Variants in TRIM36 observed in about 807,000 individuals in gnomAD.
TRIM36 encodes E3 ubiquitin-protein ligase TRIM36.
In TRIM36, 42 loss-of-function variants were observed where a neutral mutation model predicts 72.4. That is an observed-to-expected ratio of 0.58 (90% CI 0.45 to 0.75). TRIM36 has a LOEUF of 0.75. Among genes scored for constraint, TRIM36 ranks in the 30% least tolerant of loss-of-function variants. The pLI, the probability that TRIM36 is intolerant of heterozygous loss-of-function variation, is 0.00. For synonymous variants in TRIM36, 315 were observed against 282.8 expected (o/e 1.11, Z -1.14); for missense variants, 913 against 857.1 (o/e 1.07, Z -0.81).
intron 2 of TRIM36, among the ~76,000 whole-genome samples, chr5:115,150,010 C>T (rs1416792438): frequency 2.0e-5 from 3 of 152,134 alleles, no homozygotes; most frequent in Non-Finnish European, 4.4e-5. Flanking sequence ...CCACCTGCCT[C>T]GGCCTCCCAA....
In TRIM36 at chr5:115,126,782, A is replaced by T. The variant is rs1752381397; in HGVS notation, c.1872T>A (p.Val624=). The change falls in exon 10 of 10, where the codon GTT becomes GTA. Residue 624 remains valine, a synonymous_variant. Coordinates refer to ENST00000513154, the MANE Select transcript of TRIM36 (RefSeq NM_001300759.2). ...TAAAAAATTTCTGCATGCCTATAGT[A>T]ACTAAGGTAAATGGTTGTGAAGAAT... ...CFDSSQPFTL[V]TIGMQKFFIP... 6.2e-7 allele frequency: 1 copy of T among 1,614,052 alleles called. No individual in the cohort carries two copies. The highest frequency in any genetic ancestry group is 8.5e-7 in the Non-Finnish European group (1 of 1,180,030).
At chr5:115,151,053 T>G (rs1189137827) in intron 2 of TRIM36, among the ~76,000 whole-genome samples, 1 of 152,106 alleles carries the variant, frequency 6.6e-6, no homozygotes, top group Admixed American at 6.5e-5. Flanking sequence ...GGGGAGGGTG[T>G]AAATCCAGTG....
At chr5:115,154,755 T>A (rs1196165117) in intron 2 of TRIM36, among the ~76,000 whole-genome samples, 2 of 152,130 alleles carry the variant, frequency 1.3e-5, no homozygotes, top group East Asian at 3.9e-4. Flanking sequence ...CGACCAGACA[T>A]TCAAAGAACA....
chr5:115,170,712 C>G (rs114608085), upstream of TRIM36, among the ~76,000 whole-genome samples: 2 of 152,240 alleles, frequency 1.3e-5, no homozygotes, highest in African/African-American at 2.4e-5. Context: ...GGTGGAGATT[C>G]CTCTCCCGGA....
chr5:115,157,075 C>T (rs1032360988), intron 2 of TRIM36, among the ~76,000 whole-genome samples: 2 of 151,738 alleles, frequency 1.3e-5, no homozygotes, highest in Admixed American at 6.6e-5. Context: ...CTCAGTATTA[C>T]TATATGATCA....
Position 115,134,083 on chromosome 5 carries a change from C to A in TRIM36, c.1275G>T (p.Trp425Cys), listed in dbSNP as rs1375065116. 1 of 1,612,994 alleles carries A rather than the reference C, an allele frequency of 6.2e-7. No individual in the cohort carries two copies. The highest frequency in any genetic ancestry group is 1.3e-5 in the African/African-American group (1 of 74,856). Residue 425 changes from tryptophan (W) to cysteine (C), a missense_variant, in exon 8 of 10, where the codon TGG becomes TGT. Coordinates refer to ENST00000513154, the MANE Select transcript of TRIM36 (RefSeq NM_001300759.2). The stretch of plus-strand genomic sequence containing the variant: ...CAGCTTTATCCTTTTCTGGATGGTG[C>A]CAATTTATCAAGGCATTGTTATAAA... ...SKVYNNALIN[W>C]HHPEKDKADS...
intron 8 of TRIM36, among the ~76,000 whole-genome samples, chr5:115,131,605 T>C (rs1416504159): frequency 1.3e-5 from 2 of 152,194 alleles, no homozygotes; most frequent in East Asian, 1.9e-4. Context: ...ATGTGGTATA[T>C]ACATACAATG....
At chr5:115,142,413 T>C (rs1219250037) in intron 4 of TRIM36, among the ~76,000 whole-genome samples, 3 of 152,170 alleles carry the variant, frequency 2.0e-5, no homozygotes, top group Non-Finnish European at 4.4e-5. Flanking sequence ...CATTTGGCCA[T>C]TTAAATTGAA....
At chr5:115,137,235 A>C in intron 6 of TRIM36, 111 bp from the exon 7 acceptor site, 2 of 1,474,050 alleles carry the variant, frequency 1.4e-6, no homozygotes, top group African/African-American at 2.8e-5. Flanking sequence ...AATTAAAGTT[A>C]AGAATGAGGC....
chr5:115,146,884 G>A (rs1228159247), intron 3 of TRIM36, among the ~76,000 whole-genome samples, 185 bp downstream of exon 3: 1 of 152,110 alleles, frequency 6.6e-6, no homozygotes, highest in Non-Finnish European at 1.5e-5. Context: ...TCCTTTGGTG[G>A]GGATGTTTAG....
intron 2 of TRIM36, among the ~76,000 whole-genome samples, 182 bp from the exon 3 acceptor site, chr5:115,147,576 G>T (rs1221213354): frequency 6.6e-6 from 1 of 152,080 alleles, no homozygotes; most frequent in Non-Finnish European, 1.5e-5. Context: ...GTATACAAAA[G>T]ACAAGCCCAA....
At chr5:115,163,958 T>A (rs529119405) in intron 1 of TRIM36, among the ~76,000 whole-genome samples, 1 of 152,006 alleles carries the variant, frequency 6.6e-6, no homozygotes, top group Non-Finnish European at 1.5e-5. Context: ...GAACATGAGA[T>A]AGTAAAAGGC....
chr5:115,168,951 A>G (rs893236478), intron 1 of TRIM36: 2 of 152,272 alleles, frequency 1.3e-5, no homozygotes, highest in African/African-American at 2.4e-5. Context: ...CACAATGGAC[A>G]TAAAGTATTT....
At chr5:115,137,280 C>T in intron 6 of TRIM36, 83 bp downstream of exon 6, 9 of 1,515,968 alleles carry the variant, frequency 5.9e-6, no homozygotes, top group East Asian at 2.3e-5. Flanking sequence ...CATTATGGAC[C>T]AATCAGAGCT....
rs931351244 is a variant in TRIM36, at chr5:115,169,742, A to C, written c.-108T>G. ...CGGCGGCCGTGGAGCCTCGGTCCGA[A>C]GCTGGAAGATGAGCTGGTCAGCTGT... is the stretch of plus-strand genomic sequence containing the variant. On this transcript the variant is annotated 5_prime_UTR_variant, in exon 1 of 10. Coordinates refer to ENST00000513154, the MANE Select transcript of TRIM36 (RefSeq NM_001300759.2). 7 of 1,440,698 alleles carry C rather than the reference A, an allele frequency of 4.9e-6. No individual in the cohort carries two copies. The Admixed American group carries it at 1.1e-4, about 23-fold the overall frequency. The allele number at this position is 1,440,698 out of a possible 1,614,324, so 89.2% of individuals were successfully genotyped here. A position where few individuals can be genotyped will look rare whatever the true frequency, so the allele number is the denominator to read the frequency against.
At chr5:115,177,901 G>C in intron 1 of TRIM36, 4 of 1,610,266 alleles carry the variant, frequency 2.5e-6, no homozygotes, top group East Asian at 2.2e-5. Flanking sequence ...GAGAGAGAGA[G>C]AGCAGAGAAA....
intron 9 of TRIM36, among the ~76,000 whole-genome samples, 170 bp downstream of exon 9, chr5:115,130,422 A>T (rs1270104963): frequency 6.6e-6 from 1 of 152,206 alleles, no homozygotes; most frequent in Non-Finnish European, 1.5e-5. Context: ...AACTCTCCTT[A>T]TTCAATGTGT....
intron 5 of TRIM36, among the ~76,000 whole-genome samples, chr5:115,140,653 A>C (rs1030538414): frequency 3.9e-5 from 6 of 152,156 alleles, no homozygotes; most frequent in African/African-American, 1.4e-4. Context: ...AAATGTAATC[A>C]CATAGTATGT....
At chr5:115,135,057 T>C (rs1282478347) in intron 7 of TRIM36, among the ~76,000 whole-genome samples, 2 of 152,260 alleles carry the variant, frequency 1.3e-5, no homozygotes, top group African/African-American at 4.8e-5. Flanking sequence ...ACTACCTACA[T>C]GGATATATCA....
Sources: allele counts gnomAD v4.1 joint callset (sites outside exome capture counted in the v4.1 genomes callset), GRCh38; gene constraint gnomAD v4.1.1; transcripts MANE v1.5; gene names NCBI Gene and HGNC (gene_info 2026-07-23, HGNC 2026-07-21).